Variants in TEK observed in about 807,000 individuals in gnomAD.
The protein encoded by TEK is TEK receptor tyrosine kinase, also known as angiopoietin-1 receptor.
Under a neutral mutation model 131.8 loss-of-function variants are expected in TEK, and 43 were observed. That is an observed-to-expected ratio of 0.33 (90% confidence interval 0.26 to 0.42). The LOEUF (loss-of-function observed/expected upper bound fraction) is 0.42. Ranked by LOEUF, TEK falls within the 10% of genes least tolerant of loss-of-function variation. TEK has a pLI of 1.00. For synonymous variants in TEK, 580 were observed against 491.6 expected (o/e 1.18, Z -2.38); for missense variants, 1,162 against 1,384.4 (o/e 0.84, Z 2.55).
chr9:27,129,747 G>A (rs976636959), intron 1 of TEK, among the ~76,000 whole-genome samples: 1 of 152,108 alleles, frequency 6.6e-6, no homozygotes, highest in African/African-American at 2.4e-5. Flanking sequence ...TGTTATTCCT[G>A]ACAGAATAAG....
Position 27,138,784 on chromosome 9 carries a change from G to A in TEK, c.53-19047G>A, listed in dbSNP as rs148535088. On this transcript the variant is annotated intron_variant, in intron 1 of 22. Coordinates refer to ENST00000380036, the MANE Select transcript of TEK (RefSeq NM_000459.5). ...GATGGGTCCAACTTTTCGTATATGC[G>A]TGTTACTAGAGTGGAGTACAGGAAT... Among the ~76,000 whole-genome samples the A allele has an allele frequency of 3.1e-3, 465 of 152,208 alleles. 2 individuals carry two copies. The highest frequency in any genetic ancestry group is 0.01 in the African/African-American group (426 of 41,538).
chr9:27,197,708 T>C, intron 12 of TEK, 109 bp downstream of exon 12: 2 of 1,427,078 alleles, frequency 1.4e-6, no homozygotes, highest in Non-Finnish European at 1.9e-6. Flanking sequence ...AGAAAGTTAG[T>C]TGTGAGAGAA....
At chr9:27,223,451 G>C (rs1400679842) in intron 21 of TEK, among the ~76,000 whole-genome samples, 1 of 152,134 alleles carries the variant, frequency 6.6e-6, no homozygotes, top group Non-Finnish European at 1.5e-5. Flanking sequence ...GTAGAACTCA[G>C]GATTAAGAAA....
intron 1 of TEK, among the ~76,000 whole-genome samples, chr9:27,128,015 G>C (rs79176439): frequency 0.52 from 79,306 of 151,912 alleles, 21,710 homozygotes; most frequent in African/African-American, 0.57. Context: ...CTTCTGTTGC[G>C]ATTGCTTTTG....
Position 27,169,504 on chromosome 9 carries a change from A to C in TEK, c.503A>C (p.His168Pro). 6.2e-7 allele frequency: 1 copy of C among 1,614,098 alleles called. No individual in the cohort carries two copies. Among genetic ancestry groups the C allele is most frequent in the Non-Finnish European group, 8.5e-7 (1 of 1,179,958 alleles). Residue 168 changes from histidine (H) to proline (P), a missense_variant, in exon 4 of 23, where the codon CAT becomes CCT. By Grantham distance (77) the His-to-Pro change is moderately conservative (BLOSUM62 -2). Transcript: ENST00000380036. ...NGSFIHSVPR[H>P]EVPDILEVHL... Reference sequence around the variant, plus strand: ...TCCTTCATCCATTCAGTGCCCCGGCATGAAGTACCTGATATTCTAGAAGTA... The same window carrying C: ...TCCTTCATCCATTCAGTGCCCCGGCCTGAAGTACCTGATATTCTAGAAGTA...
In TEK at chr9:27,229,574, T is replaced by G; in HGVS notation, c.*342T>G. On this transcript the variant is annotated 3_prime_UTR_variant, in exon 23 of 23. Coordinates refer to ENST00000380036, the MANE Select transcript of TEK (RefSeq NM_000459.5). ...ATTGTTGTCCTAGATATTTTGATATTTACCTTTATGTTGAATGCTATTAAA... is the reference window on the plus strand; with the variant it reads ...ATTGTTGTCCTAGATATTTTGATATGTACCTTTATGTTGAATGCTATTAAA... The G allele has an allele frequency of 3.2e-6, 1 of 317,086 alleles. No individual in the cohort carries two copies. Among genetic ancestry groups the G allele is most frequent in the Non-Finnish European group, 6.0e-6 (1 of 166,948 alleles). The allele number at this position is 317,086 out of a possible 1,614,324, so 19.6% of individuals were successfully genotyped here. A position where few individuals can be genotyped will look rare whatever the true frequency, so the allele number is the denominator to read the frequency against.
At chr9:27,227,985 C>T (rs1363205518) in intron 21 of TEK, among the ~76,000 whole-genome samples, 1 of 152,058 alleles carries the variant, frequency 6.6e-6, no homozygotes, top group Non-Finnish European at 1.5e-5. Context: ...AGACCAAGGT[C>T]CTGCAGAAAC....
intron 1 of TEK, among the ~76,000 whole-genome samples, chr9:27,144,900 G>C (rs1435511661): frequency 1.3e-5 from 2 of 152,168 alleles, no homozygotes; most frequent in Non-Finnish European, 2.9e-5. Flanking sequence ...AGAATTCTTG[G>C]AGCAAAATAT....
At chr9:27,226,059 A>G (rs1278462497) in intron 21 of TEK, among the ~76,000 whole-genome samples, 2 of 152,254 alleles carry the variant, frequency 1.3e-5, no homozygotes, top group Admixed American at 6.5e-5. Flanking sequence ...TAGAATAGCA[A>G]TCATTAAAAA....
At chr9:27,225,383 A>G (rs534126906) in intron 21 of TEK, among the ~76,000 whole-genome samples, 38 of 152,310 alleles carry the variant, frequency 2.5e-4, no homozygotes, top group African/African-American at 8.9e-4. Context: ...TACTGGTACT[A>G]AAACAGATAT....
intron 2 of TEK, among the ~76,000 whole-genome samples, chr9:27,167,553 TATAAA>T (rs1823778593): frequency 6.6e-6 from 1 of 152,178 alleles, no homozygotes; most frequent in East Asian, 1.9e-4. Flanking sequence ...GTAAGTCAAA[TATAAA>T]ATAATTTTCC....
intron 1 of TEK, among the ~76,000 whole-genome samples, chr9:27,113,989 A>T (rs1408935379): frequency 6.6e-6 from 1 of 152,036 alleles, no homozygotes; most frequent in Admixed American, 6.5e-5. Flanking sequence ...ATTCAACTCA[A>T]TTTGCCCAGG....
intron 15 of TEK, 82 bp downstream of exon 15, chr9:27,206,874 T>G (rs1166573403): frequency 4.7e-6 from 7 of 1,503,332 alleles, no homozygotes; most frequent in African/African-American, 2.7e-5. Context: ...TCCTCTATGG[T>G]CTTACAAAAA....
chr9:27,152,233 A>T (rs1351736423), intron 1 of TEK, among the ~76,000 whole-genome samples: 3 of 152,228 alleles, frequency 2.0e-5, no homozygotes, highest in Non-Finnish European at 4.4e-5. Flanking sequence ...AACACACCTT[A>T]GCAGAATTCC....
chr9:27,192,355 G>A, intron 10 of TEK, 134 bp from the exon 11 acceptor site: 1 of 966,756 alleles, frequency 1.0e-6, no homozygotes, highest in Non-Finnish European at 1.7e-6. Flanking sequence ...CCTTGAAGAT[G>A]GAATTGCCTC....
Position 27,109,661 on chromosome 9 carries a change from T to C in TEK, c.52+19T>C. 6.2e-7 allele frequency: 1 copy of C among 1,613,338 alleles called. No homozygotes were observed. Among genetic ancestry groups the C allele is most frequent in the Non-Finnish European group, 8.5e-7 (1 of 1,179,368 alleles). On this transcript the variant is annotated intron_variant, in intron 1 of 22. Transcript: ENST00000380036. ...CTTTCTGGTAAGGTTTGGCTTTATT[T>C]TTTTTAATTTAGTATTTTAAAAAAC... is the stretch of plus-strand genomic sequence containing the variant.
chr9:27,212,953 C>A, intron 17 of TEK, 56 bp downstream of exon 17: 1 of 1,580,362 alleles, frequency 6.3e-7, no homozygotes, highest in South Asian at 1.1e-5. Flanking sequence ...CCTCTAAAGT[C>A]AGTTTCAATA....
At chr9:27,213,042 C>T (rs1465163544) in intron 17 of TEK, 145 bp downstream of exon 17, 3 of 851,354 alleles carry the variant, frequency 3.5e-6, no homozygotes, top group Non-Finnish European at 5.4e-6. Flanking sequence ...GTGAATAGTC[C>T]ATCTATTTAA....
intron 1 of TEK, among the ~76,000 whole-genome samples, chr9:27,124,074 C>T (rs776835219): frequency 1.3e-5 from 2 of 152,198 alleles, no homozygotes; most frequent in East Asian, 1.9e-4. Flanking sequence ...CCGCAGCTGG[C>T]GAATTTCTTC....
Sources: allele counts gnomAD v4.1 joint callset (sites outside exome capture counted in the v4.1 genomes callset), GRCh38; gene constraint gnomAD v4.1.1; transcripts MANE v1.5; gene names NCBI Gene and HGNC (gene_info 2026-07-23, HGNC 2026-07-21).